The following BORCS5 variants were observed in gnomAD, a reference collection of about 807,000 sequenced individuals.
BORCS5 encodes the protein BLOC-1 related complex subunit 5.
A neutral mutation model predicts 22.1 loss-of-function variants in BORCS5; 17 were observed. The observed-to-expected ratio is 0.77, with a 90% CI of 0.53 to 1.15. The LOEUF is 1.15. Ranked by LOEUF, BORCS5 falls within the 50% of genes most tolerant of loss-of-function variation. The pLI is 0.00. For missense variants in BORCS5, 247 were observed against 253.2 expected (o/e 0.98, Z 0.17); for synonymous variants, 117 against 99.8 (o/e 1.17, Z -1.03).
intron 2 of BORCS5, among the ~76,000 whole-genome samples, chr12:12,421,381 T>C (rs1942118492): frequency 6.6e-6 from 1 of 152,224 alleles, no homozygotes. Flanking sequence ...GAACCAGCCT[T>C]GCATCCCAGG....
intron 2 of BORCS5, among the ~76,000 whole-genome samples, chr12:12,396,664 T>A (rs1480023817): frequency 6.6e-6 from 1 of 152,176 alleles, no homozygotes; most frequent in African/African-American, 2.4e-5. Context: ...CTTTATGTTA[T>A]TTTTCTGTTA....
rs539902763 is a variant in BORCS5, at chr12:12,373,600, C to T, written c.202+12251C>T. 8.5e-5 allele frequency among the ~76,000 whole-genome samples: 13 copies of T among 152,142 alleles called. No individual in the cohort carries two copies. In the East Asian group the frequency reaches 2.3e-3, roughly 27 times the overall value. On this transcript the variant is annotated intron_variant, in intron 2 of 3. Transcript: ENST00000314565. ...GCTTTTTAATCCATATTTTTCTGTC[C>T]GATACCAGTTTTTCCATTTTACTTA...
In BORCS5 at chr12:12,468,342, G is replaced by A. The variant is rs952148014; in HGVS notation, c.*2566G>A. The A allele has an allele frequency of 2.6e-5, 4 of 152,200 alleles. No individual in the cohort carries two copies. The highest frequency in any genetic ancestry group is 9.7e-5 in the African/African-American group (4 of 41,442). The allele number at this position is 152,200 out of a possible 1,614,324, so 9.4% of individuals were successfully genotyped here. The stretch of plus-strand genomic sequence containing the variant: ...GTCTGAGTGATTTGTATTTCAAGAA[G>A]CAGTTATGCTGGATCTCTTTGTTGG... On this transcript the variant is annotated 3_prime_UTR_variant, in exon 4 of 4. Coordinates refer to ENST00000314565, the MANE Select transcript of BORCS5 (RefSeq NM_058169.6).
At chr12:12,364,005 C>A (rs909763914) in intron 2 of BORCS5, among the ~76,000 whole-genome samples, 1 of 152,138 alleles carries the variant, frequency 6.6e-6, no homozygotes, top group East Asian at 1.9e-4. Flanking sequence ...TTGATTAACA[C>A]ATCTTTTGTG....
chr12:12,415,127 C>T lies in BORCS5; in HGVS notation c.203-20501C>T, dbSNP rs1019396393. Among the ~76,000 whole-genome samples, 8 of 151,732 alleles carry T rather than the reference C, an allele frequency of 5.3e-5. 1 individual carries two copies. Among genetic ancestry groups the T allele is most frequent in the Admixed American group, 5.3e-4 (8 of 15,238 alleles). On this transcript the variant is annotated intron_variant, in intron 2 of 3. Coordinates refer to ENST00000314565, the MANE Select transcript of BORCS5 (RefSeq NM_058169.6). ...CGATGGGGGGCCAGGCAGAGACGCT[C>T]CTCACTTCCCAGACGGGGTGGCGGC... is the stretch of plus-strand genomic sequence containing the variant.
intron 2 of BORCS5, among the ~76,000 whole-genome samples, chr12:12,429,860 G>GA (rs1942377964): frequency 6.6e-6 from 1 of 152,148 alleles, no homozygotes; most frequent in Non-Finnish European, 1.5e-5. Context: ...TGAAGCACCG[G>GA]AGAGCTTCCT....
At chr12:12,396,365 A>G (rs916777674) in intron 2 of BORCS5, among the ~76,000 whole-genome samples, 12 of 152,192 alleles carry the variant, frequency 7.9e-5, no homozygotes, top group South Asian at 2.1e-4. Context: ...TGCATACTCA[A>G]TGCTCCCTAG....
intron 2 of BORCS5, among the ~76,000 whole-genome samples, chr12:12,389,808 T>C (rs978064685): frequency 6.6e-6 from 1 of 152,040 alleles, no homozygotes; most frequent in Non-Finnish European, 1.5e-5. Context: ...CACACCCAGC[T>C]AATTTTTGTA....
chr12:12,396,328 C>T (rs1031226780), intron 2 of BORCS5, among the ~76,000 whole-genome samples: 1 of 152,202 alleles, frequency 6.6e-6, no homozygotes, highest in Non-Finnish European at 1.5e-5. Context: ...CTTGCAAAAC[C>T]ACAACTAGTA....
intron 2 of BORCS5, among the ~76,000 whole-genome samples, chr12:12,423,191 A>G (rs1381220721): frequency 6.6e-6 from 1 of 151,718 alleles, no homozygotes; most frequent in Non-Finnish European, 1.5e-5. Context: ...TTTAGTAGAG[A>G]CGGGGTCCCA....
At chr12:12,379,637 G>C (rs565938482) in intron 2 of BORCS5, among the ~76,000 whole-genome samples, 1 of 151,376 alleles carries the variant, frequency 6.6e-6, no homozygotes, top group Admixed American at 6.6e-5. Context: ...ATAGCTTAAG[G>C]CAAGAGTGGG....
chr12:12,459,835 T>G (rs1943070748), intron 3 of BORCS5, among the ~76,000 whole-genome samples: 1 of 152,176 alleles, frequency 6.6e-6, no homozygotes, highest in Non-Finnish European at 1.5e-5. Flanking sequence ...GTAACAACAA[T>G]AAAAAAATCA....
chr12:12,440,933 A>G (rs1942670430), intron 3 of BORCS5, among the ~76,000 whole-genome samples: 1 of 152,198 alleles, frequency 6.6e-6, no homozygotes, highest in Non-Finnish European at 1.5e-5. Context: ...ATGAAGATCA[A>G]AGGGGATTTT....
intron 2 of BORCS5, among the ~76,000 whole-genome samples, chr12:12,416,041 G>GAAA (rs1941941450): frequency 1.3e-5 from 2 of 152,114 alleles, no homozygotes; most frequent in African/African-American, 4.8e-5. Flanking sequence ...ATGTGGCTTA[G>GAAA]CCTTGGTAGG....
intron 2 of BORCS5, among the ~76,000 whole-genome samples, chr12:12,374,287 G>A (rs958127589): frequency 4.0e-5 from 6 of 151,680 alleles, no homozygotes; most frequent in South Asian, 2.1e-4. Context: ...CACCGCACCC[G>A]GCCAAGGGTA....
chr12:12,462,621 G>A (rs531575774), intron 3 of BORCS5, among the ~76,000 whole-genome samples: 1 of 151,998 alleles, frequency 6.6e-6, no homozygotes, highest in Non-Finnish European at 1.5e-5. Context: ...CTCCAGCTTG[G>A]ATGGTTAGAT....
At chr12:12,389,485 ATACC>A (rs1863955274) in intron 2 of BORCS5, among the ~76,000 whole-genome samples, 3 of 151,610 alleles carry the variant, frequency 2.0e-5, no homozygotes, top group Admixed American at 1.3e-4. Context: ...TTAGTTTTAT[ATACC>A]TCTGCCAGTA....
chr12:12,358,271 C>A (rs981908621), intron 1 of BORCS5, among the ~76,000 whole-genome samples: 1 of 152,196 alleles, frequency 6.6e-6, no homozygotes, highest in African/African-American at 2.4e-5. Context: ...TTGGTTAAAT[C>A]TGGGGCCTAA....
intron 2 of BORCS5, among the ~76,000 whole-genome samples, chr12:12,374,138 C>T (rs1863592677): frequency 6.6e-6 from 1 of 151,436 alleles, no homozygotes; most frequent in South Asian, 2.1e-4. Context: ...CAGGTGCCCG[C>T]CACCACGTCT....
Sources: gnomAD v4.1 joint callset for allele counts (sites outside exome capture counted in the v4.1 genomes callset) on GRCh38, gnomAD v4.1.1 for gene constraint, MANE v1.5 for transcripts, NCBI Gene and HGNC (gene_info 2026-07-23, HGNC 2026-07-21) for gene names.